PRIM2: variants seen among roughly 807,000 people sequenced by gnomAD.
The protein encoded by PRIM2 is DNA primase subunit 2, also known as DNA primase large subunit.
PRIM2 carries 39 observed loss-of-function variants against 67.3 expected under a neutral mutation model. That is an observed-to-expected ratio of 0.58 (90% CI 0.45 to 0.76). PRIM2 has a LOEUF of 0.76. PRIM2 is among the 30% of genes least tolerant of loss of function. The pLI is 0.00. For missense variants in PRIM2, 398 were observed against 598.7 expected (o/e 0.66, Z 3.50); for synonymous variants, 143 against 198.7 (o/e 0.72, Z 2.36).
rs1769183911 is a variant in PRIM2 at position 57,361,093 on chromosome 6, T to C, written c.460-18808T>C. 7.9e-5 allele frequency among the ~76,000 whole-genome samples: 12 copies of C among 152,106 alleles called. 1 individual carries two copies. Among genetic ancestry groups the C allele is most frequent in the African/African-American group, 2.4e-5 (1 of 41,420 alleles). On this transcript the variant is annotated intron_variant, in intron 5 of 13. Coordinates refer to ENST00000615550, the MANE Select transcript of PRIM2 (RefSeq NM_000947.5). ...AAGAATGATGGCTGACACTGAGAGA[T>C]TCATGTTAATGTTATAGGTTTCTCA...
intron 10 of PRIM2, among the ~76,000 whole-genome samples, chr6:57,578,676 G>GTT (rs1171202485): frequency 9.9e-6 from 1 of 101,322 alleles, no homozygotes; most frequent in South Asian, 3.5e-4. Flanking sequence ...TTTGTTTTTT[G>GTT]TTTTTTTTTT....
chr6:57,514,894 G>A (rs1332841276), intron 8 of PRIM2, among the ~76,000 whole-genome samples: 1 of 152,072 alleles, frequency 6.6e-6, no homozygotes, highest in South Asian at 2.1e-4. Flanking sequence ...AAGCTGCACC[G>A]GAATAGTTGC....
At chr6:57,354,346 T>C (rs942031011) in intron 5 of PRIM2, among the ~76,000 whole-genome samples, 15 of 152,316 alleles carry the variant, frequency 9.8e-5, no homozygotes, top group African/African-American at 3.6e-4. Context: ...CTTCTGAGTA[T>C]TGTGTTAATT....
intron 7 of PRIM2, among the ~76,000 whole-genome samples, chr6:57,460,116 A>C (rs72875424): frequency 4.0e-5 from 6 of 151,702 alleles, no homozygotes; most frequent in Middle Eastern, 3.2e-3. Context: ...AAGCCAGTGC[A>C]AATGGTTTTT....
intron 10 of PRIM2, among the ~76,000 whole-genome samples, chr6:57,590,266 T>A (rs1378618301): frequency 6.6e-6 from 1 of 152,138 alleles, no homozygotes; most frequent in Non-Finnish European, 1.5e-5. Context: ...GGTTATTGTG[T>A]CCAAGAGTCT....
At chr6:57,424,305 C>T (rs550288549) in intron 7 of PRIM2, among the ~76,000 whole-genome samples, 163 of 152,212 alleles carry the variant, frequency 1.1e-3, no homozygotes, top group African/African-American at 3.7e-3. Flanking sequence ...AAAGATAGTA[C>T]ATTTCTAGCC....
chr6:57,445,145 T>G (rs954465829), intron 7 of PRIM2, among the ~76,000 whole-genome samples: 1 of 152,232 alleles, frequency 6.6e-6, no homozygotes, highest in African/African-American at 2.4e-5. Context: ...TTTTGGTAGG[T>G]TCAGGCAGAT....
the PRIM2 span, among the ~76,000 whole-genome samples, chr6:57,308,527 C>T: frequency 6.6e-6 from 1 of 152,156 alleles, no homozygotes; most frequent in African/African-American, 2.4e-5. Flanking sequence ...TCAAAACTTT[C>T]TCTAGAGAAT....
At chr6:57,319,261 C>T (rs1469098705) in intron 2 of PRIM2, among the ~76,000 whole-genome samples, 2 of 152,212 alleles carry the variant, frequency 1.3e-5, no homozygotes, top group African/African-American at 4.8e-5. Flanking sequence ...TGGCCACCGT[C>T]CTGGGGGCCT....
chr6:57,340,352 C>G (rs958110762), intron 5 of PRIM2, among the ~76,000 whole-genome samples: 4 of 152,170 alleles, frequency 2.6e-5, no homozygotes, highest in Non-Finnish European at 5.9e-5. Flanking sequence ...CATCCCATTA[C>G]TGGGTATATA....
the PRIM2 span, among the ~76,000 whole-genome samples, chr6:57,290,791 C>A: frequency 6.6e-6 from 1 of 152,158 alleles, no homozygotes; most frequent in African/African-American, 2.4e-5. Context: ...TAAAGATGTT[C>A]TTTGAAACCA....
At chr6:57,625,480 G>C (rs1262981592) in intron 12 of PRIM2, among the ~76,000 whole-genome samples, 1 of 152,200 alleles carries the variant, frequency 6.6e-6, no homozygotes, top group Non-Finnish European at 1.5e-5. Flanking sequence ...AGCTGGACCA[G>C]AATATGAGGA....
At chr6:57,634,027 T>C in intron 13 of PRIM2, among the ~76,000 whole-genome samples, 1 of 152,234 alleles carries the variant, frequency 6.6e-6, no homozygotes, top group Non-Finnish European at 1.5e-5. Context: ...TATTTCCCTG[T>C]CTATGAATAA....
At chr6:57,614,040 C>T (rs1444921452) in intron 12 of PRIM2, among the ~76,000 whole-genome samples, 1 of 152,122 alleles carries the variant, frequency 6.6e-6, no homozygotes, top group Non-Finnish European at 1.5e-5. Context: ...AGGTCCCCAA[C>T]CCCTGGGCCA....
At chr6:57,430,447 G>GTT (rs71687266) in intron 7 of PRIM2, among the ~76,000 whole-genome samples, 899 of 78,140 alleles carry the variant, frequency 0.012, 13 homozygotes, top group East Asian at 0.018. Flanking sequence ...TTCTTTCTTT[G>GTT]TTTTTTTTTT....
intron 10 of PRIM2, among the ~76,000 whole-genome samples, chr6:57,542,195 C>T (rs1304992554): frequency 1.3e-5 from 2 of 152,074 alleles, no homozygotes; most frequent in African/African-American, 2.4e-5. Context: ...AGGCTAGTCT[C>T]GAACTCCTGA....
At chr6:57,436,388 T>TG (rs1297525370) in intron 7 of PRIM2, among the ~76,000 whole-genome samples, 2 of 152,232 alleles carry the variant, frequency 1.3e-5, no homozygotes, top group African/African-American at 2.4e-5. Flanking sequence ...GAACTGCAGA[T>TG]GCCATCAATC....
At chr6:57,585,658 A>G in intron 10 of PRIM2, among the ~76,000 whole-genome samples, 1 of 152,294 alleles carries the variant, frequency 6.6e-6, no homozygotes, top group Middle Eastern at 3.4e-3. Context: ...GAAGGTGAAC[A>G]GATAGTGAGG....
At chr6:57,639,162 A>G (rs1777180605) in intron 13 of PRIM2, among the ~76,000 whole-genome samples, 2 of 152,346 alleles carry the variant, frequency 1.3e-5, no homozygotes. Flanking sequence ...TACAGGGTAA[A>G]TAATAAAATT....
Sources: gnomAD v4.1 joint callset for allele counts (sites outside exome capture counted in the v4.1 genomes callset) on GRCh38, gnomAD v4.1.1 for gene constraint, MANE v1.5 for transcripts, NCBI Gene and HGNC (gene_info 2026-07-23, HGNC 2026-07-21) for gene names.